The following LPCAT4 variants were observed in gnomAD, a reference collection of about 807,000 sequenced individuals.
LPCAT4 encodes the protein lysophosphatidylcholine acyltransferase 4, also known as lysophospholipid acyltransferase LPCAT4.
Under a neutral mutation model 66.5 loss-of-function variants are expected in LPCAT4, and 30 were observed. The ratio of observed to expected loss-of-function variants is 0.45; its 90% CI spans 0.34 to 0.61. The LOEUF (loss-of-function observed/expected upper bound fraction) is 0.61. Among genes scored for constraint, LPCAT4 ranks in the 20% least tolerant of loss-of-function variants. The pLI is 0.01. For missense variants in LPCAT4, 557 were observed against 656.7 expected, an observed-to-expected ratio of 0.85 and a Z score of 1.66; for synonymous variants, 253 against 262.1, an observed-to-expected ratio of 0.97 and a Z score of 0.34.
At position 34,365,242 on chromosome 15, in the gene LPCAT4, G is replaced by T; in HGVS notation, c.258-14C>A. Reference sequence around the variant, plus strand: ...TGGCACACAGTCCTGCCAGGGCAAGGCTGGGTATCAGCGGAAGCAGTGGTT... The same window carrying T: ...TGGCACACAGTCCTGCCAGGGCAAGTCTGGGTATCAGCGGAAGCAGTGGTT... On this transcript the variant is annotated splice_polypyrimidine_tract_variant and intron_variant, in intron 2 of 13. Coordinates refer to ENST00000314891, the MANE Select transcript of LPCAT4 (RefSeq NM_153613.3). 2.5e-6 allele frequency: 4 copies of T among 1,593,272 alleles called. No homozygotes were observed. Among genetic ancestry groups the T allele is most frequent in the Non-Finnish European group, 3.4e-6 (4 of 1,170,452 alleles).
chr15:34,366,233 T>C (rs1322358414), intron 1 of LPCAT4, among the ~76,000 whole-genome samples: 3 of 152,180 alleles, frequency 2.0e-5, no homozygotes, highest in Non-Finnish European at 4.4e-5. Flanking sequence ...CCGGGGGATA[T>C]GGGAGACAAG....
chr15:34,361,358 G>C, intron 11 of LPCAT4, 42 bp downstream of exon 11: 1 of 1,612,026 alleles, frequency 6.2e-7, no homozygotes, highest in Non-Finnish European at 8.5e-7. Flanking sequence ...AGCCTGGAGG[G>C]AAGCCTGGGT....
Position 34,363,884 on chromosome 15 carries a change from A to G in LPCAT4, c.652+129T>C, listed in dbSNP as rs1891006957. ...ACTCCTCGACTTGACAGCATTAGCTAGGAGGTTCCTGGTCTCCCTTCCTCT... is the reference window on the plus strand; with the variant it reads ...ACTCCTCGACTTGACAGCATTAGCTGGGAGGTTCCTGGTCTCCCTTCCTCT... On this transcript the variant is annotated intron_variant, in intron 5 of 13. Coordinates refer to ENST00000314891, the MANE Select transcript of LPCAT4 (RefSeq NM_153613.3). This position sits in a 1 kb window ranked among gnomAD's most constrained non-coding sequence, Gnocchi z 4.3. 3.2e-6 allele frequency: 4 copies of G among 1,266,564 alleles called. No individual in the cohort carries two copies. The African/African-American group carries it at 4.4e-5, about 14-fold the overall frequency. The allele number at this position is 1,266,564 out of a possible 1,614,324, so 78.5% of individuals were successfully genotyped here. A position where few individuals can be genotyped will look rare whatever the true frequency, so the allele number is the denominator to read the frequency against.
At chr15:34,360,282 T>C in intron 11 of LPCAT4, 73 bp from the exon 12 acceptor site, 1 of 1,157,538 alleles carries the variant, frequency 8.6e-7, no homozygotes, top group Non-Finnish European at 1.3e-6. Context: ...TTTTGACTCC[T>C]CCCTCTTCTC....
Position 34,362,631 on chromosome 15 carries a change from G to T in LPCAT4, c.826C>A (p.Pro276Thr). 1 of 1,591,114 alleles carries T rather than the reference G, an allele frequency of 6.3e-7. No individual in the cohort carries two copies. Reference protein sequence around the residue: ...VEFLPVYHPSPEESRDPTLYA... With the variant: ...VEFLPVYHPSTEESRDPTLYA... ...AGGGTGGGGTCCCTGCTCTCCTCAG[G>T]GCTGGGGTGATACACAGGAAGGAAC... The change falls in exon 9 of 14, where the codon CCT (proline) becomes ACT (threonine). Residue 276 changes from proline (P) to threonine (T), a missense_variant. Transcript: ENST00000314891.
intron 3 of LPCAT4, 66 bp from the exon 4 acceptor site, chr15:34,364,372 C>T: frequency 1.1e-6 from 1 of 875,654 alleles, no homozygotes; most frequent in Non-Finnish European, 1.9e-6. Flanking sequence ...ACATCTGCAG[C>T]CTCCACTTCC....
At chr15:34,364,616 TACTTTTTTTGTA>T in intron 3 of LPCAT4, 1 of 165,580 alleles carries the variant, frequency 6.0e-6, no homozygotes, top group Non-Finnish European at 1.2e-5. Flanking sequence ...TACGCCCGGC[TACTTTTTTTGTA>T]TTTTTAGTAG....
Position 34,359,112 on chromosome 15 carries a change from G to A in LPCAT4, c.*15C>T. On this transcript the variant is annotated 3_prime_UTR_variant, in exon 14 of 14. Coordinates refer to ENST00000314891, the MANE Select transcript of LPCAT4 (RefSeq NM_153613.3). ...AGCGCTGCCCTGAGGAGGAGGGGGT[G>A]AGAGGCTGAGGCACTCAGTCTCCCT... The A allele has an allele frequency of 1.3e-6, 2 of 1,595,076 alleles. No homozygotes were observed. Among genetic ancestry groups the A allele is most frequent in the Non-Finnish European group, 1.7e-6 (2 of 1,171,568 alleles).
intron 1 of LPCAT4, among the ~76,000 whole-genome samples, chr15:34,366,463 T>C (rs1238974402): frequency 5.3e-5 from 8 of 152,052 alleles, no homozygotes; most frequent in South Asian, 4.2e-4. Flanking sequence ...CCTCTCAGCC[T>C]CCCTGCCCCC....
Position 34,359,174 on chromosome 15 carries a change from C to A in LPCAT4, c.1528G>T (p.Ala510Ser). The A allele has an allele frequency of 6.2e-7, 1 of 1,606,870 alleles. No homozygotes were observed. Among genetic ancestry groups the A allele is most frequent in the Non-Finnish European group, 8.5e-7 (1 of 1,177,244 alleles). ...GCTTGCACAGTCCCATTGGCCAGAGCAGTGGGGTTGCCTGGGGATGAGGCA... is the reference window on the plus strand; with the variant it reads ...GCTTGCACAGTCCCATTGGCCAGAGAAGTGGGGTTGCCTGGGGATGAGGCA... The part of the protein sequence containing the change: ...PNASSPGNPT[A>S]LANGTVQAPK... Residue 510 changes from alanine (A) to serine (S), a missense_variant, in exon 14 of 14, where the codon GCT (alanine) becomes TCT (serine). Ala to Ser is a moderately conservative substitution (Grantham distance 99). Around this residue, in one of 4 missense-constraint regions of LPCAT4, gnomAD observed 392 missense variants for 473.9 expected, o/e 0.83. Coordinates refer to ENST00000314891, the MANE Select transcript of LPCAT4 (RefSeq NM_153613.3).
Position 34,364,743 on chromosome 15 carries a change from C to A in LPCAT4, c.478+265G>T, listed in dbSNP as rs8039406. The A allele has an allele frequency of 6.1e-5, 26 of 423,034 alleles. No individual in the cohort carries two copies. In the South Asian group the frequency reaches 1.1e-3, roughly 17 times the overall value. The allele number at this position is 423,034 out of a possible 1,614,324, so 26.2% of individuals were successfully genotyped here. ...TGCTGGGATTATAGGCGCGAGCCACCGTGCCTGGCCTGTTATCTTTGCCCT... is the reference window on the plus strand; with the variant it reads ...TGCTGGGATTATAGGCGCGAGCCACAGTGCCTGGCCTGTTATCTTTGCCCT... On this transcript the variant is annotated intron_variant, in intron 3 of 13. Coordinates refer to ENST00000314891, the MANE Select transcript of LPCAT4 (RefSeq NM_153613.3).
intron 1 of LPCAT4, 92 bp from the exon 2 acceptor site, chr15:34,365,793 C>T (rs183439958): frequency 1.4e-6 from 2 of 1,442,698 alleles, no homozygotes; most frequent in Non-Finnish European, 1.9e-6. Context: ...CAGGAGCAGA[C>T]AGCCATCATC....
At position 34,360,161 on chromosome 15, in the gene LPCAT4, C is replaced by G; in HGVS notation, c.1192G>C (p.Ala398Pro). The G allele has an allele frequency of 6.2e-7, 1 of 1,614,016 alleles. No individual in the cohort carries two copies. Among genetic ancestry groups the G allele is most frequent in the Non-Finnish European group, 8.5e-7 (1 of 1,179,994 alleles). ...TCCAGGCTCCTGCCCCCATCCAGAG[C>G]TGCTAGTGCAAGGGCCACATCTCGG... ...DFRDVALALAALDGGRSLEEL... is the reference protein window; with the variant it reads ...DFRDVALALAPLDGGRSLEEL... Residue 398 changes from alanine (A) to proline (P), a missense_variant, in exon 12 of 14, where the codon GCT becomes CCT. Physicochemically the swap from Ala to Pro is conservative, Grantham distance 27. Around this residue, in one of 4 missense-constraint regions of LPCAT4, gnomAD observed 392 missense variants for 473.9 expected, o/e 0.83. Transcript: ENST00000314891.
intron 11 of LPCAT4, chr15:34,360,779 T>A (rs1890924744): frequency 6.5e-6 from 1 of 153,606 alleles, no homozygotes; most frequent in African/African-American, 2.4e-5. Flanking sequence ...CTTCAGAGGA[T>A]GTTGAGGGTC....
chr15:34,366,272 G>A (rs538232767), intron 1 of LPCAT4, among the ~76,000 whole-genome samples: 4 of 152,326 alleles, frequency 2.6e-5, no homozygotes, highest in Admixed American at 1.3e-4. Flanking sequence ...AAGGGAGAGA[G>A]GCTGCCAGGA....
Position 34,359,680 on chromosome 15 carries a change from G to T in LPCAT4, c.1308C>A (p.Ile436=). The T allele has an allele frequency of 6.2e-7, 1 of 1,613,812 alleles. No individual in the cohort carries two copies. The part of the protein sequence containing the change: ...RLLYKDGFST[I]LHLLLGSPHP... ...GGGGTGAACCCAGCAGCAGGTGCAG[G>T]ATGGTGCTGAAGCCGTCTTTGTACA... Residue 436 remains isoleucine (I), a synonymous_variant, in exon 13 of 14, where the codon ATC becomes ATA. Transcript: ENST00000314891.
rs1890978582 is a variant in LPCAT4 at position 34,362,800 on chromosome 15, G to A, written c.783C>T (p.Cys261=). The change falls in exon 8 of 14, where the codon TGC becomes TGT. Residue 261 remains cysteine (C), a synonymous_variant. Transcript: ENST00000314891. Reference sequence around the variant, plus strand: ...GCCATACCTCCACATCCACAATGCTGCAGGGCTGAGAGGCTGTGAGCCAGA... The same window carrying A: ...GCCATACCTCCACATCCACAATGCTACAGGGCTGAGAGGCTGTGAGCCAGA... ...KVLWLTASQP[C]SIVDVEFLPV... The A allele has an allele frequency of 6.2e-7, 1 of 1,614,048 alleles. No individual in the cohort carries two copies. The highest frequency in any genetic ancestry group is 1.7e-5 in the Admixed American group (1 of 60,002).
Position 34,363,764 on chromosome 15 carries a change from AC to A in LPCAT4, c.653-46del. On this transcript the variant is annotated intron_variant, in intron 5 of 13. Transcript: ENST00000314891. The surrounding 1 kb of genome is among the most constrained non-coding windows in gnomAD (Gnocchi z 4.3). ...CCACCCCCACAAGGCAGAGGTTAGTACACAGAAGTAGCTAGAGGGCATGAGG... is the reference window on the plus strand; with the variant it reads ...CCACCCCCACAAGGCAGAGGTTAGTAACAGAAGTAGCTAGAGGGCATGAGG... 1 of 1,608,576 alleles carries A rather than the reference AC, an allele frequency of 6.2e-7. No homozygotes were observed. Among genetic ancestry groups the A allele is most frequent in the South Asian group, 1.1e-5 (1 of 90,992 alleles).
chr15:34,366,017 G>C (rs562981644), intron 1 of LPCAT4: 2 of 286,134 alleles, frequency 7.0e-6, no homozygotes, highest in African/African-American at 4.3e-5. Flanking sequence ...CGAAAGTGCA[G>C]GGCGCTGTGC....
Sources: gnomAD v4.1 joint callset for allele counts (sites outside exome capture counted in the v4.1 genomes callset) on GRCh38, gnomAD v4.1.1 for gene constraint, gnomAD v4.1.1 regional missense constraint, Gnocchi (gnomAD v3.1) non-coding constraint, MANE v1.5 for transcripts, NCBI Gene and HGNC (gene_info 2026-07-23, HGNC 2026-07-21) for gene names.